TPRG1: variants seen among roughly 807,000 people sequenced by gnomAD.
The protein encoded by TPRG1 is tumor protein p63 regulated 1, also known as tumor protein p63-regulated gene 1 protein.
Under a neutral mutation model 29.3 loss-of-function variants are expected in TPRG1, and 29 were observed. The ratio of observed to expected loss-of-function variants is 0.99; its 90% CI spans 0.74 to 1.35. TPRG1 has a LOEUF of 1.35. Ranked by LOEUF, TPRG1 falls within the 40% of genes most tolerant of loss-of-function variation. TPRG1 has a pLI of 0.00. For synonymous variants in TPRG1, 130 were observed against 116.8 expected, an observed-to-expected ratio of 1.11 and a Z score of -0.73; for missense variants, 327 against 335.0, an observed-to-expected ratio of 0.98 and a Z score of 0.19.
At chr3:189,087,464 C>T (rs1183656762) in intron 4 of TPRG1, among the ~76,000 whole-genome samples, 3 of 152,100 alleles carry the variant, frequency 2.0e-5, no homozygotes, top group African/African-American at 7.2e-5. Context: ...GTTGCCTGTT[C>T]ACTCTGATGG....
chr3:189,111,121 A>T (rs971752277), intron 1 of TPRG1, among the ~76,000 whole-genome samples: 1 of 150,430 alleles, frequency 6.6e-6, no homozygotes, highest in Non-Finnish European at 1.5e-5. Context: ...AACAAACAAA[A>T]AAAATCTTAC....
At chr3:189,023,652 G>A (rs1003432973) in intron 3 of TPRG1, 1 of 152,194 alleles carries the variant, frequency 6.6e-6, no homozygotes, top group Non-Finnish European at 1.5e-5. Flanking sequence ...TGATCTATGA[G>A]GTTGCTGCCC....
At chr3:189,033,356 ACTGCAACTT>A (rs930821066) in intron 4 of TPRG1, among the ~76,000 whole-genome samples, 2 of 150,964 alleles carry the variant, frequency 1.3e-5, no homozygotes, top group Non-Finnish European at 2.9e-5. Context: ...ATCTTGGTTC[ACTGCAACTT>A]CTGCCTCTCA....
chr3:189,162,216 A>C (rs1317258785), intron 5 of TPRG1, among the ~76,000 whole-genome samples: 1 of 151,962 alleles, frequency 6.6e-6, no homozygotes, highest in Non-Finnish European at 1.5e-5. Context: ...GCTGGTCTTG[A>C]ACTCCTGACC....
intron 4 of TPRG1, among the ~76,000 whole-genome samples, chr3:189,301,169 C>T (rs1287238682): frequency 6.6e-6 from 1 of 151,728 alleles, no homozygotes; most frequent in African/African-American, 2.4e-5. Flanking sequence ...CGTGGTGTCA[C>T]ACGCCTGTAG....
In TPRG1 at chr3:189,313,500, G is replaced by GA. The variant is rs543589304; in HGVS notation, c.633+2965dup. ...ACTGAAGCAATTTAATTCAGTTTAAGAAAACTATTGTCTCACGGGGAGGGA... is the reference window on the plus strand; with the variant it reads ...ACTGAAGCAATTTAATTCAGTTTAAGAAAAACTATTGTCTCACGGGGAGGGA... On this transcript the variant is annotated intron_variant, in intron 5 of 5. Coordinates refer to ENST00000345063, the MANE Select transcript of TPRG1 (RefSeq NM_198485.4). 1.4e-3 allele frequency among the ~76,000 whole-genome samples: 215 copies of GA among 152,258 alleles called. 1 individual carries two copies. Among genetic ancestry groups the GA allele is most frequent in the African/African-American group, 5.0e-3 (207 of 41,556 alleles).
chr3:189,136,974 T>C (rs1210810137), intron 3 of TPRG1, among the ~76,000 whole-genome samples: 2 of 152,178 alleles, frequency 1.3e-5, no homozygotes, highest in African/African-American at 4.8e-5. Flanking sequence ...TTTAAAAAAA[T>C]GGACATGACC....
At chr3:189,084,616 A>T (rs564727930) in intron 4 of TPRG1, among the ~76,000 whole-genome samples, 1 of 152,374 alleles carries the variant, frequency 6.6e-6, no homozygotes, top group East Asian at 1.9e-4. Flanking sequence ...CAGAATCTAG[A>T]GAAAGCTATT....
rs1012687791 is a variant in TPRG1, at chr3:189,017,240, T to A, written c.-659-6510T>A. ...TTATTAAAATATATATTTTTTTATA[T>A]TATTATACTTTAAGTTTTAGGGTAC... is the stretch of plus-strand genomic sequence containing the variant. On this transcript the variant is annotated intron_variant, in intron 3 of 10. Coordinates refer to the TPRG1 transcript ENST00000433971. 5.3e-5 allele frequency among the ~76,000 whole-genome samples: 8 copies of A among 151,568 alleles called. No individual in the cohort carries two copies. The East Asian group carries it at 1.5e-3, about 29-fold the overall frequency.
At chr3:189,083,023 C>T (rs114116727) in intron 4 of TPRG1, among the ~76,000 whole-genome samples, 33 of 152,190 alleles carry the variant, frequency 2.2e-4, no homozygotes, top group African/African-American at 6.7e-4. Context: ...GAAGATGGCA[C>T]GGCTCATTTC....
intron 4 of TPRG1, among the ~76,000 whole-genome samples, chr3:189,064,025 T>C (rs1176436966): frequency 6.6e-6 from 1 of 152,150 alleles, no homozygotes; most frequent in Admixed American, 6.5e-5. Context: ...AAAATACACT[T>C]AATACACATA....
chr3:189,030,013 A>T (rs113676511), intron 4 of TPRG1, among the ~76,000 whole-genome samples: 68 of 152,340 alleles, frequency 4.5e-4, no homozygotes, highest in African/African-American at 1.5e-3. Flanking sequence ...ACTCAGCTTC[A>T]GGTATTTCTT....
At chr3:189,064,777 A>G (rs1716329335) in intron 4 of TPRG1, among the ~76,000 whole-genome samples, 1 of 152,230 alleles carries the variant, frequency 6.6e-6, no homozygotes, top group Non-Finnish European at 1.5e-5. Flanking sequence ...ACAACTAAAA[A>G]AATACACAAA....
chr3:189,196,681 A>G (rs1033060547), intron 1 of TPRG1, among the ~76,000 whole-genome samples: 5 of 152,164 alleles, frequency 3.3e-5, no homozygotes, highest in African/African-American at 4.8e-5. Flanking sequence ...GGGAGCTACA[A>G]TTCAAGATGA....
chr3:189,317,679 T>G (rs968144438), intron 5 of TPRG1, among the ~76,000 whole-genome samples: 9 of 152,190 alleles, frequency 5.9e-5, no homozygotes, highest in African/African-American at 2.2e-4. Context: ...TCAGTGGTTC[T>G]CAAGAGAGGG....
chr3:189,056,020 C>G (rs78770244), intron 4 of TPRG1, among the ~76,000 whole-genome samples: 8,301 of 128,074 alleles, frequency 0.065, 415 homozygotes, highest in African/African-American at 0.12. Context: ...CCCTCCCTCC[C>G]TTCCCTCCCT....
chr3:189,274,286 T>C (rs762398232), intron 4 of TPRG1, among the ~76,000 whole-genome samples: 11 of 152,160 alleles, frequency 7.2e-5, no homozygotes, highest in Non-Finnish European at 1.0e-4. Context: ...GAGTGGGTTA[T>C]CTCACTATCA....
intron 1 of TPRG1, among the ~76,000 whole-genome samples, chr3:189,115,908 G>T (rs74409827): frequency 6.6e-6 from 1 of 151,980 alleles, no homozygotes; most frequent in African/African-American, 2.4e-5. Flanking sequence ...TGTTTGTCAG[G>T]GAAATGTAAA....
intron 3 of TPRG1, among the ~76,000 whole-genome samples, chr3:189,142,928 C>T (rs889557536): frequency 1.3e-5 from 2 of 152,164 alleles, no homozygotes; most frequent in African/African-American, 4.8e-5. Flanking sequence ...AAAACTTTCA[C>T]CTTTAATGTG....
Sources: allele counts gnomAD v4.1 joint callset (sites outside exome capture counted in the v4.1 genomes callset), GRCh38; gene constraint gnomAD v4.1.1; transcripts MANE v1.5; gene names NCBI Gene and HGNC (gene_info 2026-07-23, HGNC 2026-07-21).